SH3BP5: variants seen among roughly 807,000 people sequenced by gnomAD.
The protein encoded by SH3BP5 is SH3 domain-binding protein 5.
SH3BP5 carries 22 observed loss-of-function variants against 43.3 expected under a neutral mutation model. The observed-to-expected ratio is 0.51, with a 90% CI of 0.36 to 0.73. SH3BP5 has a LOEUF of 0.73. Among genes scored for constraint, SH3BP5 ranks in the 30% least tolerant of loss-of-function variants. SH3BP5 has a pLI of 0.00. For synonymous variants in SH3BP5, 255 were observed against 225.8 expected (o/e 1.13, Z -1.16); for missense variants, 529 against 586.9 (o/e 0.90, Z 1.02).
At chr3:15,275,673 T>A (rs2125072908) in intron 3 of SH3BP5, 1 of 152,324 alleles carries the variant, frequency 6.6e-6, no homozygotes, top group South Asian at 2.1e-4. Flanking sequence ...AATACCTTCA[T>A]GACTTACAGA....
intron 2 of SH3BP5, among the ~76,000 whole-genome samples, chr3:15,304,643 C>A (rs1330395257): frequency 1.6e-5 from 2 of 123,014 alleles, no homozygotes; most frequent in African/African-American, 3.3e-5. Flanking sequence ...GGCAAAACCC[C>A]ATCTCTACTA....
At chr3:15,271,686 A>C (rs1034988197) in intron 3 of SH3BP5, 6 of 152,078 alleles carry the variant, frequency 3.9e-5, no homozygotes, top group South Asian at 2.1e-4. Flanking sequence ...CTCAAAAAAA[A>C]AAAAAATTAA....
rs781754336 is a variant in SH3BP5, at chr3:15,255,820, C to G, written c.*266G>C. ...GTTCTTTCATAGGAACTAGTTATTGCTTCCACAATGCCGTTATACGGAATG... is the reference window on the plus strand; with the variant it reads ...GTTCTTTCATAGGAACTAGTTATTGGTTCCACAATGCCGTTATACGGAATG... On this transcript the variant is annotated 3_prime_UTR_variant, in exon 9 of 9. Coordinates refer to ENST00000383791, the MANE Select transcript of SH3BP5 (RefSeq NM_004844.5). 29 of 371,466 alleles carry G rather than the reference C, an allele frequency of 7.8e-5. No individual in the cohort carries two copies. The highest frequency in any genetic ancestry group is 1.1e-4 in the Non-Finnish European group (23 of 204,630). 23.0% of individuals were successfully genotyped at this position (371,466 alleles called of 1,614,324 possible).
chr3:15,336,594 G>A (rs1325598568), upstream of SH3BP5, among the ~76,000 whole-genome samples: 1 of 152,184 alleles, frequency 6.6e-6, no homozygotes, highest in Admixed American at 6.5e-5. Context: ...GGAGGTTGGA[G>A]GAGAGAGGCT....
chr3:15,288,974 G>A (rs1040616435), intron 3 of SH3BP5, among the ~76,000 whole-genome samples: 1 of 152,208 alleles, frequency 6.6e-6, no homozygotes, highest in Non-Finnish European at 1.5e-5. Flanking sequence ...CATAAAGGGA[G>A]GGAAGTGATG....
intron 2 of SH3BP5, among the ~76,000 whole-genome samples, chr3:15,322,318 T>G (rs1397497630): frequency 6.6e-6 from 1 of 151,786 alleles, no homozygotes; most frequent in African/African-American, 2.4e-5. Context: ...ATGTATAGTT[T>G]TTTTTCCCCC....
chr3:15,323,167 G>A (rs1480314928), intron 2 of SH3BP5, among the ~76,000 whole-genome samples: 1 of 110,596 alleles, frequency 9.0e-6, no homozygotes, highest in African/African-American at 3.6e-5. Context: ...AATAAATAAA[G>A]CAGGGCTCAC....
rs1202378658 is a variant in SH3BP5, at chr3:15,254,460, A to G, written c.*1626T>C. 2 of 152,184 alleles carry G rather than the reference A, an allele frequency of 1.3e-5. No individual in the cohort carries two copies. Among genetic ancestry groups the G allele is most frequent in the Non-Finnish European group, 2.9e-5 (2 of 68,040 alleles). The allele number at this position is 152,184 out of a possible 1,614,324, so 9.4% of individuals were successfully genotyped here. A position where few individuals can be genotyped will look rare whatever the true frequency, so the allele number is the denominator to read the frequency against. ...ATCTGATTCTCAACTCTGAATGCAC[A>G]TTTGAATTCCCTCGGGGAGCTTTTA... On this transcript the variant is annotated 3_prime_UTR_variant, in exon 9 of 9. Coordinates refer to ENST00000383791, the MANE Select transcript of SH3BP5 (RefSeq NM_004844.5).
intron 3 of SH3BP5, among the ~76,000 whole-genome samples, chr3:15,280,551 A>G (rs901474936): frequency 1.3e-5 from 2 of 152,104 alleles, no homozygotes; most frequent in Admixed American, 6.5e-5. Context: ...GGCCTGCTCA[A>G]AGCATCAAGC....
At chr3:15,317,273 G>A (rs1009167862) in intron 2 of SH3BP5, among the ~76,000 whole-genome samples, 27 of 152,182 alleles carry the variant, frequency 1.8e-4, no homozygotes, top group South Asian at 2.1e-4. Context: ...GCCTCAGAAA[G>A]CTCTAGAGAT....
chr3:15,337,745 C>G (rs1422915565), intron 1 of SH3BP5, among the ~76,000 whole-genome samples: 2 of 150,160 alleles, frequency 1.3e-5, no homozygotes, highest in African/African-American at 2.5e-5. Flanking sequence ...CCCCACATCT[C>G]TACCAAAAAA....
At chr3:15,286,289 C>T (rs1301465003) in intron 3 of SH3BP5, among the ~76,000 whole-genome samples, 1 of 152,170 alleles carries the variant, frequency 6.6e-6, no homozygotes, top group East Asian at 1.9e-4. Context: ...GCAGAATCGG[C>T]ACAAACTGGT....
Position 15,332,307 on chromosome 3 carries a change from C to A in SH3BP5, c.102G>T (p.Gly34=), listed in dbSNP as rs112788991. 11 of 1,547,876 alleles carry A rather than the reference C, an allele frequency of 7.1e-6. No homozygotes were observed. The highest frequency in any genetic ancestry group is 9.6e-6 in the Non-Finnish European group (11 of 1,149,112). The change falls in exon 1 of 9, where the codon GGG becomes GGT. Residue 34 remains glycine (G), a synonymous_variant. Coordinates refer to ENST00000383791, the MANE Select transcript of SH3BP5 (RefSeq NM_004844.5). ...GATCCACCTCTTCTTCCTCCTCCAG[C>A]CCCTGCTCCATCCCCTCTTCCTCCT... ...EEEEEEGMEQ[G]LEEEEEVDPR...
At chr3:15,296,891 C>G (rs1459364013) in intron 3 of SH3BP5, among the ~76,000 whole-genome samples, 1 of 150,984 alleles carries the variant, frequency 6.6e-6, no homozygotes, top group African/African-American at 2.4e-5. Context: ...GAAATGGTGT[C>G]TCACCATGTT....
At chr3:15,256,629 G>A (rs996108209) in intron 8 of SH3BP5, 2 of 605,388 alleles carry the variant, frequency 3.3e-6, no homozygotes, top group African/African-American at 3.7e-5. Flanking sequence ...TCTGATGTGA[G>A]ACATAGGACC....
In SH3BP5 at chr3:15,322,319, T is replaced by A. The variant is rs954703867; in HGVS notation, c.201+8185A>T. Reference sequence around the variant, plus strand: ...TTTATATATATTTTATGTATAGTTTTTTTTCCCCCACTAAGTAGACCATGG... The same window carrying A: ...TTTATATATATTTTATGTATAGTTTATTTTCCCCCACTAAGTAGACCATGG... On this transcript the variant is annotated intron_variant, in intron 2 of 8. Transcript: ENST00000383791. Among the ~76,000 whole-genome samples the A allele has an allele frequency of 9.8e-3, 1,489 of 152,332 alleles. 18 individuals are homozygous for A. Among genetic ancestry groups the A allele is most frequent in the African/African-American group, 0.033 (1,373 of 41,566 alleles).
chr3:15,325,303 C>G lies in SH3BP5; in HGVS notation c.201+5201G>C, dbSNP rs550505624. On this transcript the variant is annotated intron_variant, in intron 2 of 8. Transcript: ENST00000383791. The stretch of plus-strand genomic sequence containing the variant: ...TCTCACCTAGCAGGGCTGTCGCACA[C>G]CTGAATGACCCATTTATCTCTGACT... 3.3e-5 allele frequency among the ~76,000 whole-genome samples: 5 copies of G among 152,360 alleles called. No individual in the cohort carries two copies. The South Asian group carries it at 8.3e-4, about 25-fold the overall frequency.
intron 3 of SH3BP5, among the ~76,000 whole-genome samples, chr3:15,281,654 G>A (rs1350583016): frequency 2.0e-5 from 3 of 152,030 alleles, no homozygotes; most frequent in Non-Finnish European, 4.4e-5. Flanking sequence ...TGCACCATGT[G>A]GACAAACAAG....
chr3:15,269,021 C>A (rs957404473), intron 4 of SH3BP5, among the ~76,000 whole-genome samples: 1 of 152,128 alleles, frequency 6.6e-6, no homozygotes, highest in Non-Finnish European at 1.5e-5. Context: ...TACCAACTAC[C>A]CTGTTTATGG....
Sources: gnomAD v4.1 joint callset for allele counts (sites outside exome capture counted in the v4.1 genomes callset) on GRCh38, gnomAD v4.1.1 for gene constraint, MANE v1.5 for transcripts, NCBI Gene and HGNC (gene_info 2026-07-23, HGNC 2026-07-21) for gene names.